NBAS: variants seen among roughly 807,000 people sequenced by gnomAD.
The protein encoded by NBAS is NAG/BC035112 fusion.
NBAS carries 219 observed loss-of-function variants against 302.5 expected under a neutral mutation model. The ratio of observed to expected loss-of-function variants is 0.72; its 90% CI spans 0.65 to 0.81. NBAS has a LOEUF of 0.81. Ranked by LOEUF, NBAS falls within the 30% of genes least tolerant of loss-of-function variation. NBAS has a pLI of 0.00. For synonymous variants in NBAS, 1,118 were observed against 1,021.6 expected (o/e 1.09, Z -1.80); for missense variants, 2,932 against 2,841.6 (o/e 1.03, Z -0.72).
At position 15,504,165 on chromosome 2, in the gene NBAS, T is replaced by A. The variant is rs544645109; in HGVS notation, c.934A>T (p.Ser312Cys). 5 of 1,613,610 alleles carry A rather than the reference T, an allele frequency of 3.1e-6. No homozygotes were observed. In the African/African-American group the frequency reaches 6.7e-5, roughly 21 times the overall value. ...GTTACCTGTTCTTGTCCCTGGCGAC[T>A]GTAAAACTTGACACTTAACATCCTT... Reference protein sequence around the residue: ...LLRMLSVKFYSRQGQEQDGIF... With the variant: ...LLRMLSVKFYCRQGQEQDGIF... The change falls in exon 11 of 52, where the codon AGT (serine) becomes TGT (cysteine). Residue 312 changes from serine to cysteine, a missense_variant. Transcript: ENST00000281513.
At chr2:15,373,910 A>T (rs758534947) in intron 31 of NBAS, among the ~76,000 whole-genome samples, 4 of 152,204 alleles carry the variant, frequency 2.6e-5, no homozygotes, top group Non-Finnish European at 5.9e-5. Context: ...TTTAGGGCAC[A>T]GAGGTCCAGG....
At chr2:14,884,454 C>T in the NBAS span, among the ~76,000 whole-genome samples, 1 of 152,166 alleles carries the variant, frequency 6.6e-6, no homozygotes, top group African/African-American at 2.4e-5. Context: ...AATTGCTCAC[C>T]CACCTCAAAA....
chr2:15,444,707 G>A (rs1473478317), intron 21 of NBAS, among the ~76,000 whole-genome samples: 1 of 151,128 alleles, frequency 6.6e-6, no homozygotes, highest in Non-Finnish European at 1.5e-5. Flanking sequence ...TACCATCAGA[G>A]TGAACAGGCA....
At chr2:15,288,311 T>TAG (rs1456602935) in intron 41 of NBAS, among the ~76,000 whole-genome samples, 2 of 152,166 alleles carry the variant, frequency 1.3e-5, no homozygotes, top group Non-Finnish European at 2.9e-5. Flanking sequence ...CAATTAAATA[T>TAG]AGCGGTGGTA....
At chr2:14,894,545 A>G in the NBAS span, among the ~76,000 whole-genome samples, 1 of 151,580 alleles carries the variant, frequency 6.6e-6, no homozygotes, top group Non-Finnish European at 1.5e-5. Flanking sequence ...TGTAAAATAT[A>G]TATATAAATA....
intron 16 of NBAS, 48 bp downstream of exon 16, chr2:15,473,174 A>C (rs2148583353): frequency 6.3e-7 from 1 of 1,597,800 alleles, no homozygotes; most frequent in Non-Finnish European, 8.6e-7. Flanking sequence ...AACAAAAGAT[A>C]TTACATGAAT....
chr2:15,348,125 T>C lies in NBAS; in HGVS notation c.4179+3867A>G, dbSNP rs150870005. Among the ~76,000 whole-genome samples the C allele has an allele frequency of 6.6e-5, 10 of 152,336 alleles. No individual in the cohort carries two copies. In the East Asian group the frequency reaches 1.9e-3, roughly 29 times the overall value. On this transcript the variant is annotated intron_variant, in intron 35 of 51. Coordinates refer to ENST00000281513, the MANE Select transcript of NBAS (RefSeq NM_015909.4). ...CACGGCATCTTATAGCTAAGCACTA[T>C]ATTTTAACCTAATGATAGTAGCTAT...
the NBAS span, among the ~76,000 whole-genome samples, chr2:14,829,505 T>C: frequency 6.6e-6 from 1 of 152,208 alleles, no homozygotes; most frequent in Admixed American, 6.5e-5. Context: ...GCCAACTTTA[T>C]ATGATTTCAT....
chr2:15,348,215 C>T (rs1273906186), intron 35 of NBAS, among the ~76,000 whole-genome samples: 1 of 152,148 alleles, frequency 6.6e-6, no homozygotes, highest in Non-Finnish European at 1.5e-5. Context: ...TGGACTAGCA[C>T]TTCATGAGAT....
At chr2:15,417,463 T>C in intron 24 of NBAS, 64 bp downstream of exon 24, 6 of 1,366,910 alleles carry the variant, frequency 4.4e-6, no homozygotes, top group Middle Eastern at 2.0e-4. Flanking sequence ...TTGAGACACA[T>C]ATGTATCAAA....
intron 48 of NBAS, among the ~76,000 whole-genome samples, chr2:15,216,139 G>A (rs1666643477): frequency 6.6e-6 from 1 of 152,122 alleles, no homozygotes; most frequent in Non-Finnish European, 1.5e-5. Context: ...AAGGAGGAGG[G>A]GGACACTCAC....
the NBAS span, among the ~76,000 whole-genome samples, chr2:15,158,455 T>G: frequency 6.6e-6 from 1 of 152,210 alleles, no homozygotes; most frequent in Non-Finnish European, 1.5e-5. Flanking sequence ...TGCCATGGAA[T>G]CTGCTCTTCC....
the NBAS span, among the ~76,000 whole-genome samples, chr2:15,004,242 T>C: frequency 6.6e-6 from 1 of 152,360 alleles, no homozygotes. Context: ...ATTTTCTGAT[T>C]TGATGCCAAA....
chr2:15,190,519 G>A lies in NBAS; in HGVS notation c.6433-116C>T, dbSNP rs995792826. 4.8e-6 allele frequency: 6 copies of A among 1,245,728 alleles called. No individual in the cohort carries two copies. The African/African-American group carries it at 9.1e-5, about 19-fold the overall frequency. The allele number at this position is 1,245,728 out of a possible 1,614,324, so 77.2% of individuals were successfully genotyped here. On this transcript the variant is annotated intron_variant, in intron 48 of 51. Transcript: ENST00000281513. ...TTTAAAATGTTTTACAATGTGTTAA[G>A]ATTCAACATCAGAAAAACAACCACC... is the stretch of plus-strand genomic sequence containing the variant.
At chr2:15,552,429 T>A (rs1664425677) in intron 5 of NBAS, among the ~76,000 whole-genome samples, 1 of 152,160 alleles carries the variant, frequency 6.6e-6, no homozygotes, top group South Asian at 2.1e-4. Context: ...CTCTTCCTCC[T>A]CCTCCTCCTC....
Position 15,467,656 on chromosome 2 carries a change from T to C in NBAS, c.2018+8A>G. 6 of 1,610,376 alleles carry C rather than the reference T, an allele frequency of 3.7e-6. No homozygotes were observed. Among genetic ancestry groups the C allele is most frequent in the Non-Finnish European group, 5.1e-6 (6 of 1,177,002 alleles). Reference sequence around the variant, plus strand: ...AAACTATCAAATGAACAGTAACAACTCATTTACTTGGAAAAGTTCACTAAT... The same window carrying C: ...AAACTATCAAATGAACAGTAACAACCCATTTACTTGGAAAAGTTCACTAAT... On this transcript the variant is annotated splice_region_variant and intron_variant, in intron 18 of 51. Transcript: ENST00000281513.
At chr2:15,218,356 T>C (rs775830050) in intron 48 of NBAS, among the ~76,000 whole-genome samples, 1 of 152,220 alleles carries the variant, frequency 6.6e-6, no homozygotes, top group Non-Finnish European at 1.5e-5. Context: ...ACTGGAAAGT[T>C]TGCATTACCA....
At chr2:15,403,941 A>G (rs1415796349) in intron 25 of NBAS, among the ~76,000 whole-genome samples, 2 of 130,500 alleles carry the variant, frequency 1.5e-5, no homozygotes, top group African/African-American at 3.0e-5. Context: ...AGGTCTCACT[A>G]TGTTGCTCAG....
chr2:14,899,493 T>G, the NBAS span, among the ~76,000 whole-genome samples: 3 of 152,242 alleles, frequency 2.0e-5, no homozygotes, highest in Non-Finnish European at 4.4e-5. Flanking sequence ...CCATTTAGAA[T>G]GTTGTTAAGC....
Sources: allele counts gnomAD v4.1 joint callset (sites outside exome capture counted in the v4.1 genomes callset), GRCh38; gene constraint gnomAD v4.1.1; transcripts MANE v1.5; gene names NCBI Gene and HGNC (gene_info 2026-07-23, HGNC 2026-07-21).